WRN: variants seen among roughly 807,000 people sequenced by gnomAD.
WRN encodes bifunctional 3'-5' exonuclease/ATP-dependent helicase WRN.
Under a neutral mutation model 180.7 loss-of-function variants are expected in WRN, and 149 were observed. That is an observed-to-expected ratio of 0.82 (90% CI 0.72 to 0.94). The LOEUF (loss-of-function observed/expected upper bound fraction) is 0.94, where lower values mean the gene tolerates loss of function less well. Ranked by LOEUF, WRN falls within the 40% of genes least tolerant of loss-of-function variation. WRN has a pLI of 0.00. For synonymous variants in WRN, 548 were observed against 568.9 expected, an observed-to-expected ratio of 0.96 and a Z score of 0.52; for missense variants, 1,661 against 1,700.1, an observed-to-expected ratio of 0.98 and a Z score of 0.40.
intron 17 of WRN, among the ~76,000 whole-genome samples, chr8:31,097,730 G>C (rs887053410): frequency 6.6e-6 from 1 of 151,974 alleles, no homozygotes. Context: ...GGTGAGCCAA[G>C]ATCATGCTAC....
In WRN at chr8:31,137,349, A is replaced by G. The variant is rs560803031; in HGVS notation, c.2968-4081A>G. On this transcript the variant is annotated intron_variant, in intron 24 of 34. Coordinates refer to ENST00000298139, the MANE Select transcript of WRN (RefSeq NM_000553.6). Reference sequence around the variant, plus strand: ...TATGAAAGGAAAAGCCAGAAGTGTAATTTTTAGTGTTTAGAGAGCTAGTGA... The same window carrying G: ...TATGAAAGGAAAAGCCAGAAGTGTAGTTTTTAGTGTTTAGAGAGCTAGTGA... Among the ~76,000 whole-genome samples the G allele has an allele frequency of 3.3e-5, 5 of 152,210 alleles. No individual in the cohort carries two copies. In the South Asian group the frequency reaches 1.0e-3, roughly 32 times the overall value.
chr8:31,167,513 A>T (rs1438625809), intron 34 of WRN, among the ~76,000 whole-genome samples: 2 of 152,064 alleles, frequency 1.3e-5, no homozygotes. Flanking sequence ...AATCTTTCGG[A>T]GGTATAGTTA....
intron 16 of WRN, 35 bp from the exon 17 acceptor site, chr8:31,096,733 T>TTTTTTTTTTTTTTTTTTTTTTTTTTG: frequency 6.6e-7 from 1 of 1,517,410 alleles, no homozygotes; most frequent in Non-Finnish European, 9.0e-7. Context: ...TTCCTGTTTT[T>TTTTTTTTTTTTTTTTTTTTTTTTTTG]TTTTTTTTCT....
intron 18 of WRN, among the ~76,000 whole-genome samples, chr8:31,103,408 AC>A (rs1326626811): frequency 6.6e-6 from 1 of 152,222 alleles, no homozygotes; most frequent in East Asian, 1.9e-4. Flanking sequence ...CAGCAGCATC[AC>A]CACAAACGTG....
At chr8:31,142,556 A>G in intron 26 of WRN, 70 bp from the exon 27 acceptor site, 1 of 1,171,962 alleles carries the variant, frequency 8.5e-7, no homozygotes, top group Non-Finnish European at 1.2e-6. Flanking sequence ...CTGAGAATGG[A>G]GTATCATGAT....
At chr8:31,165,072 G>A (rs533466970) in intron 33 of WRN, among the ~76,000 whole-genome samples, 60 of 151,942 alleles carry the variant, frequency 3.9e-4, no homozygotes, top group African/African-American at 9.6e-4. Flanking sequence ...CACCATAAGC[G>A]GATGTTTATG....
chr8:31,074,642 A>G (rs1813032860), intron 7 of WRN, among the ~76,000 whole-genome samples: 2 of 152,170 alleles, frequency 1.3e-5, no homozygotes. Context: ...TTTATTTTCA[A>G]CTATATTCAA....
At position 31,065,070 on chromosome 8, in the gene WRN, G is replaced by A. The variant is rs370689876; in HGVS notation, c.504+7G>A. On this transcript the variant is annotated splice_region_variant and intron_variant, in intron 5 of 34. Coordinates refer to ENST00000298139, the MANE Select transcript of WRN (RefSeq NM_000553.6). ...AGATGTTGCCAATAAAAAGGTAAAA[G>A]CAATATATATATAATTTTCATGATG... 5.9e-5 allele frequency: 95 copies of A among 1,609,406 alleles called. No homozygotes were observed. In the African/African-American group the frequency reaches 1.2e-3, roughly 20 times the overall value.
intron 19 of WRN, 24 bp downstream of exon 19, chr8:31,111,823 T>G: frequency 6.2e-7 from 1 of 1,611,890 alleles, no homozygotes; most frequent in Non-Finnish European, 8.5e-7. Flanking sequence ...GGTTGATGAA[T>G]TTTGGTAATG....
At chr8:31,077,603 AT>A in intron 8 of WRN, among the ~76,000 whole-genome samples, 1 of 152,126 alleles carries the variant, frequency 6.6e-6, no homozygotes, top group Non-Finnish European at 1.5e-5. Flanking sequence ...TCATGTATAC[AT>A]TTTTCCCTCC....
At chr8:31,160,514 AC>A (rs1323496202) in intron 33 of WRN, among the ~76,000 whole-genome samples, 1 of 152,172 alleles carries the variant, frequency 6.6e-6, no homozygotes, top group African/African-American at 2.4e-5. Context: ...GGTTGTCGAA[AC>A]CTTTGTTTCT....
chr8:31,039,667 G>C (rs761213520), intron 1 of WRN, among the ~76,000 whole-genome samples: 1 of 152,166 alleles, frequency 6.6e-6, no homozygotes, highest in Non-Finnish European at 1.5e-5. Context: ...TCACCATTAA[G>C]TATGGTGTTA....
chr8:31,150,116 T>A (rs1803059109), intron 30 of WRN, among the ~76,000 whole-genome samples: 1 of 152,246 alleles, frequency 6.6e-6, no homozygotes, highest in African/African-American at 2.4e-5. Flanking sequence ...TAACAGTGTG[T>A]TTTTGTGGTG....
At position 31,125,537 on chromosome 8, in the gene WRN, GATATATATATATATAT is replaced by G. The variant is rs71206299; in HGVS notation, c.2825+554_2825+569del. On this transcript the variant is annotated intron_variant, in intron 23 of 34. Coordinates refer to ENST00000298139, the MANE Select transcript of WRN (RefSeq NM_000553.6). ...GAAATAGGACGATTGATATTATGGA[GATATATATATATATAT>G]ATATATATATATATATGGGGAGGGA... is the stretch of plus-strand genomic sequence containing the variant. 1.1e-3 allele frequency among the ~76,000 whole-genome samples: 71 copies of G among 63,764 alleles called. 5 individuals are homozygous for G. Among genetic ancestry groups the G allele is most frequent in the Non-Finnish European group, 1.3e-3 (43 of 33,034 alleles). 41.8% of individuals were successfully genotyped at this position (63,764 alleles called of 152,430 possible).
intron 23 of WRN, among the ~76,000 whole-genome samples, chr8:31,127,616 CAACA>C (rs1462373625): frequency 1.3e-5 from 2 of 151,730 alleles, no homozygotes; most frequent in African/African-American, 2.4e-5. Context: ...AAAATACAAC[CAACA>C]AACAGTAACT....
At chr8:31,064,874 T>C (rs1173768328) in intron 4 of WRN, 41 bp from the exon 5 acceptor site, 4 of 1,607,576 alleles carry the variant, frequency 2.5e-6, no homozygotes, top group Admixed American at 1.7e-5. Flanking sequence ...AAATCCATCA[T>C]ACTTGACAGA....
intron 1 of WRN, among the ~76,000 whole-genome samples, chr8:31,047,813 G>C (rs1239584677): frequency 1.3e-5 from 2 of 152,154 alleles, no homozygotes; most frequent in African/African-American, 2.4e-5. Context: ...TAGCTACTTA[G>C]AGAACAGAGG....
At chr8:31,164,337 A>T (rs980093319) in intron 33 of WRN, among the ~76,000 whole-genome samples, 1 of 152,206 alleles carries the variant, frequency 6.6e-6, no homozygotes, top group Non-Finnish European at 1.5e-5. Flanking sequence ...TGTTATTTTC[A>T]TATTTTATTT....
chr8:31,044,929 A>G (rs1728648010), intron 1 of WRN, among the ~76,000 whole-genome samples: 1 of 152,224 alleles, frequency 6.6e-6, no homozygotes, highest in African/African-American at 2.4e-5. Context: ...TCCATAGGAT[A>G]GATGTAATTA....
Sources: gnomAD v4.1 joint callset for allele counts (sites outside exome capture counted in the v4.1 genomes callset) on GRCh38, gnomAD v4.1.1 for gene constraint, MANE v1.5 for transcripts, NCBI Gene and HGNC (gene_info 2026-07-23, HGNC 2026-07-21) for gene names.